The following PARL variants were observed in gnomAD, a reference collection of about 807,000 sequenced individuals.
PARL encodes presenilin associated rhomboid like, also known as presenilin-associated rhomboid-like protein, mitochondrial.
Under a neutral mutation model 51.6 loss-of-function variants are expected in PARL, and 44 were observed. The ratio of observed to expected loss-of-function variants is 0.85; its 90% CI spans 0.67 to 1.10. The LOEUF is 1.10. Among genes scored for constraint, PARL ranks in the 50% least tolerant of loss-of-function variants. PARL has a pLI of 0.00. For synonymous variants in PARL, 172 were observed against 164.0 expected, an observed-to-expected ratio of 1.05 and a Z score of -0.37; for missense variants, 441 against 469.5, an observed-to-expected ratio of 0.94 and a Z score of 0.56.
At position 183,862,791 on chromosome 3, in the gene PARL, C is replaced by T; in HGVS notation, c.473G>A (p.Trp158Ter). The T allele has an allele frequency of 6.2e-7, 1 of 1,613,314 alleles. No homozygotes were observed. Among genetic ancestry groups the T allele is most frequent in the Non-Finnish European group, 8.5e-7 (1 of 1,179,280 alleles). ...CTGGCCATCACTTAGGTTATTCCAC[C>T]ACTTGTTAATCTAAAACAGACAGAA... ...EGDFRKEINK[W>*]WNNLSDGQRT... Residue 158 changes from tryptophan (W) to a stop codon, truncating the protein, a stop_gained, in exon 4 of 10, where the codon TGG becomes TAG. Transcript: ENST00000317096. LOFTEE classifies it high-confidence loss of function.
Position 183,833,653 on chromosome 3 carries a change from A to C in PARL, c.931-64T>G. 3.4e-6 allele frequency: 5 copies of C among 1,474,220 alleles called. No individual in the cohort carries two copies. In the South Asian group the frequency reaches 3.4e-5, roughly 10 times the overall value. The allele number at this position is 1,474,220 out of a possible 1,614,324, so 91.3% of individuals were successfully genotyped here. The stretch of plus-strand genomic sequence containing the variant: ...GCTCCAGCACTGACATTTCTAACTT[A>C]AGGGCAAGAACCCACTCAACATAAA... On this transcript the variant is annotated intron_variant, in intron 8 of 9. Transcript: ENST00000317096.
At chr3:183,865,912 C>T (rs528714922) in intron 3 of PARL, among the ~76,000 whole-genome samples, 2 of 150,448 alleles carry the variant, frequency 1.3e-5, no homozygotes, top group South Asian at 2.1e-4. Context: ...TGAGTTCTCG[C>T]TCTGTCACCC....
intron 1 of PARL, among the ~76,000 whole-genome samples, chr3:183,872,735 A>C (rs963078753): frequency 1.3e-5 from 2 of 152,226 alleles, no homozygotes; most frequent in African/African-American, 4.8e-5. Flanking sequence ...AATGAAACAT[A>C]AGAATTTTTC....
In PARL at chr3:183,884,820, T is replaced by C. The variant is rs1333234063; in HGVS notation, c.27A>G (p.Arg9=). The C allele has an allele frequency of 6.3e-7, 1 of 1,597,418 alleles. No homozygotes were observed. The highest frequency in any genetic ancestry group is 1.7e-5 in the Admixed American group (1 of 59,876). ...CCCACGCCTGGCCGCAGCCCCAGCC[T>C]CTCTGCGCCCAGCCTCGCCACGCCA... MAWRGWAQ[R]GWGCGQAWGA... is the part of the protein sequence containing the mutation. The change falls in exon 1 of 10, where the codon AGA becomes AGG. Residue 9 remains arginine (R), a synonymous_variant. Transcript: ENST00000317096.
intron 4 of PARL, among the ~76,000 whole-genome samples, chr3:183,848,535 A>G (rs149719096): frequency 5.6e-4 from 85 of 152,208 alleles, no homozygotes; most frequent in African/African-American, 1.9e-3. Flanking sequence ...GCCTAGTCCA[A>G]TCCCCCACTC....
chr3:183,882,222 A>AATATATATATATATATATATATTT (rs1385019643), intron 1 of PARL, among the ~76,000 whole-genome samples: 65 of 46,042 alleles, frequency 1.4e-3, no homozygotes, highest in South Asian at 6.0e-3. Context: ...AAAAAAAAAA[A>AATATATATATATATATATATATTT]ATATATATAT....
chr3:183,850,665 TC>T (rs1730447982), intron 4 of PARL, among the ~76,000 whole-genome samples: 1 of 152,078 alleles, frequency 6.6e-6, no homozygotes, highest in Non-Finnish European at 1.5e-5. Context: ...CACTATCACC[TC>T]CGTATCAAAA....
At chr3:183,861,130 AAAG>A in intron 4 of PARL, 1 of 354,954 alleles carries the variant, frequency 2.8e-6, no homozygotes, top group South Asian at 1.1e-4. Flanking sequence ...TACTTTCATA[AAAG>A]AAGCAAGCAA....
intron 4 of PARL, among the ~76,000 whole-genome samples, chr3:183,861,730 AT>A (rs1295429462): frequency 6.6e-6 from 1 of 152,210 alleles, no homozygotes; most frequent in African/African-American, 2.4e-5. Context: ...ATATTTTGCA[AT>A]TCTCTAGAAA....
intron 3 of PARL, 139 bp from the exon 4 acceptor site, chr3:183,862,940 C>T (rs1732012077): frequency 6.8e-6 from 5 of 738,280 alleles, no homozygotes; most frequent in Non-Finnish European, 4.8e-6. Flanking sequence ...ATAATAAATA[C>T]GTGGTAGAGT....
intron 1 of PARL, among the ~76,000 whole-genome samples, chr3:183,872,967 G>A (rs1376853495): frequency 1.3e-5 from 2 of 152,050 alleles, no homozygotes; most frequent in African/African-American, 4.8e-5. Context: ...TCCTATATTT[G>A]ATAAATAACT....
chr3:183,828,627 C>T (rs576096660), downstream of PARL, among the ~76,000 whole-genome samples: 1 of 152,352 alleles, frequency 6.6e-6, no homozygotes, highest in Non-Finnish European at 1.5e-5. Context: ...GCAGTTCTCA[C>T]TTGCCTGGTG....
chr3:183,864,636 C>T (rs1732234273), intron 3 of PARL, among the ~76,000 whole-genome samples: 1 of 151,782 alleles, frequency 6.6e-6, no homozygotes, highest in Non-Finnish European at 1.5e-5. Flanking sequence ...ATTAGCCGGG[C>T]GTGGTGGCGG....
chr3:183,871,921 T>C (rs1292652831), intron 1 of PARL, among the ~76,000 whole-genome samples: 2 of 152,060 alleles, frequency 1.3e-5, no homozygotes, highest in Non-Finnish European at 2.9e-5. Context: ...CAGGTGGAGG[T>C]ATCTTAATAG....
intron 1 of PARL, among the ~76,000 whole-genome samples, chr3:183,878,483 C>T (rs1560436961): frequency 1.3e-5 from 2 of 152,062 alleles, no homozygotes; most frequent in South Asian, 4.1e-4. Context: ...TAGTCTAGAG[C>T]AGTAATTCTC....
chr3:183,882,353 A>C (rs1734647255), intron 1 of PARL, among the ~76,000 whole-genome samples: 1 of 146,174 alleles, frequency 6.8e-6, no homozygotes, highest in South Asian at 2.1e-4. Flanking sequence ...ACATATATAC[A>C]TATATGCACA....
intron 7 of PARL, among the ~76,000 whole-genome samples, chr3:183,839,810 G>A (rs988597783): frequency 3.9e-5 from 6 of 152,014 alleles, no homozygotes; most frequent in African/African-American, 4.8e-5. Flanking sequence ...ACAGCTCACC[G>A]CAGCCTCAAC....
At chr3:183,832,624 A>T (rs34190894) in intron 9 of PARL, among the ~76,000 whole-genome samples, 26,373 of 152,232 alleles carry the variant, frequency 0.17, 2,562 homozygotes, top group East Asian at 0.43. Context: ...GTAAGAAAAG[A>T]CAGGCCCCGA....
In PARL at chr3:183,884,875, G is replaced by C; in HGVS notation, c.-29C>G. ...CCCAACCTCTGCCCCACCATGGCCC[G>C]ACCTTACCAACCCCAGCTGCGCAAC... On this transcript the variant is annotated 5_prime_UTR_variant, in exon 1 of 10. Coordinates refer to ENST00000317096, the MANE Select transcript of PARL (RefSeq NM_018622.7). The C allele has an allele frequency of 6.3e-7, 1 of 1,595,762 alleles. No homozygotes were observed. The highest frequency in any genetic ancestry group is 1.1e-5 in the South Asian group (1 of 90,474).
Sources: gnomAD v4.1 joint callset for allele counts (sites outside exome capture counted in the v4.1 genomes callset) on GRCh38, gnomAD v4.1.1 for gene constraint, MANE v1.5 for transcripts, NCBI Gene and HGNC (gene_info 2026-07-23, HGNC 2026-07-21) for gene names.